The following ZNF469 variants were observed in gnomAD, a reference collection of about 807,000 sequenced individuals.
The protein encoded by ZNF469 is zinc finger protein 469.
In ZNF469, 1 loss-of-function variant was observed where a neutral mutation model predicts 1.0. That is an observed-to-expected ratio of 1.00 (90% CI 0.35 to 4.73). The LOEUF (loss-of-function observed/expected upper bound fraction) is 4.73. Among genes scored for constraint, ZNF469 ranks in the 30% most tolerant of loss-of-function variants. The pLI, the probability that ZNF469 is intolerant of heterozygous loss-of-function variation, is 0.16. For missense variants in ZNF469, 6,100 were observed against 5,356.3 expected, an observed-to-expected ratio of 1.14 and a Z score of -4.33; for synonymous variants, 2,703 against 2,363.4, an observed-to-expected ratio of 1.14 and a Z score of -4.17.
the ZNF469 span, among the ~76,000 whole-genome samples, chr16:88,230,607 C>T: frequency 2.7e-5 from 1 of 36,656 alleles, no homozygotes; most frequent in South Asian, 1.4e-3. Flanking sequence ...CCTCCGGGGA[C>T]GCCCCCTCTC....
chr16:88,339,085 C>G, the ZNF469 span, among the ~76,000 whole-genome samples: 6 of 149,344 alleles, frequency 4.0e-5, no homozygotes, highest in Non-Finnish European at 8.9e-5. Context: ...CCTGCCTGAG[C>G]AGAGAAGTCA....
At chr16:88,239,689 ATATATATATATATATATATATATATATT>A in the ZNF469 span, among the ~76,000 whole-genome samples, 7 of 8,804 alleles carry the variant, frequency 8.0e-4, no homozygotes, top group Admixed American at 2.3e-3. Context: ...ATATATATAT[ATATATATATATATATATATATATATATT>A]TTTTTTTTTT....
At chr16:88,138,956 C>T in the ZNF469 span, among the ~76,000 whole-genome samples, 1 of 152,240 alleles carries the variant, frequency 6.6e-6, no homozygotes, top group Non-Finnish European at 1.5e-5. Flanking sequence ...AGGGAGGCCT[C>T]TGGTGAAACG....
chr16:88,166,211 C>T, the ZNF469 span, among the ~76,000 whole-genome samples: 8 of 152,154 alleles, frequency 5.3e-5, no homozygotes, highest in African/African-American at 1.9e-4. This position sits in a 1 kb window ranked among gnomAD's most constrained non-coding sequence, Gnocchi z 4.5. Flanking sequence ...AGTCAACACC[C>T]ACACACCCAC....
the ZNF469 span, among the ~76,000 whole-genome samples, chr16:88,317,691 G>T: frequency 6.6e-6 from 1 of 152,230 alleles, no homozygotes; most frequent in Non-Finnish European, 1.5e-5. Flanking sequence ...AGCCACAACT[G>T]TCCTCTCAAC....
the ZNF469 span, among the ~76,000 whole-genome samples, chr16:88,224,348 G>A: frequency 4.6e-5 from 7 of 152,210 alleles, no homozygotes; most frequent in Admixed American, 2.6e-4. Context: ...GCGGGGCCCC[G>A]CAGGTGGTGA....
chr16:88,168,371 G>C, the ZNF469 span, among the ~76,000 whole-genome samples: 4 of 152,166 alleles, frequency 2.6e-5, no homozygotes, highest in African/African-American at 7.2e-5. The surrounding 1 kb of genome is among the most constrained non-coding windows in gnomAD (Gnocchi z 4.3). Context: ...TATTTTCTAG[G>C]CTGACAACGG....
rs1276039411 is a variant in ZNF469, at chr16:88,430,677, G to C, written c.3207G>C (p.Ala1069=). 2 of 1,492,616 alleles carry C rather than the reference G, an allele frequency of 1.3e-6. No homozygotes were observed. The highest frequency in any genetic ancestry group is 2.2e-5 in the Admixed American group (1 of 45,474). The allele number at this position is 1,492,616 out of a possible 1,614,324, so 92.5% of individuals were successfully genotyped here. ...GCCACCGGCGGCTGGGGCGGCGGGC[G>C]GGCAGGTGCGGCTCCCTGGCGGCGG... ...NRRHRRLGRR[A]GRCGSLAAGR... Residue 1069 remains alanine, a synonymous_variant, in exon 3 of 3, where the codon GCG becomes GCC. Coordinates refer to ENST00000565624, the MANE Select transcript of ZNF469 (RefSeq NM_001367624.2).
the ZNF469 span, among the ~76,000 whole-genome samples, chr16:88,105,902 C>T: frequency 6.6e-6 from 1 of 152,218 alleles, no homozygotes. Flanking sequence ...GCACTCACAC[C>T]ACCTTGTGTG....
At chr16:88,217,157 AC>A in the ZNF469 span, among the ~76,000 whole-genome samples, 1 of 151,230 alleles carries the variant, frequency 6.6e-6, no homozygotes, top group Non-Finnish European at 1.5e-5. Context: ...TTGAATACTA[AC>A]ACGGTGAATA....
At chr16:88,359,821 T>C in the ZNF469 span, among the ~76,000 whole-genome samples, 1 of 152,218 alleles carries the variant, frequency 6.6e-6, no homozygotes, top group Non-Finnish European at 1.5e-5. Context: ...ATGATCCATA[T>C]ACCTGCCACC....
the ZNF469 span, among the ~76,000 whole-genome samples, chr16:88,304,267 GC>G: frequency 1.3e-5 from 2 of 152,150 alleles, no homozygotes; most frequent in Non-Finnish European, 2.9e-5. Flanking sequence ...CAGCCCGGCC[GC>G]CCCCACACCA....
At chr16:88,192,918 GGTGATGATGGTGATA>G in the ZNF469 span, among the ~76,000 whole-genome samples, 14 of 152,240 alleles carry the variant, frequency 9.2e-5, no homozygotes, top group Admixed American at 2.6e-4. Flanking sequence ...TGGAGGTGAT[GGTGATGATGGTGATA>G]GTGATGATGG....
chr16:88,321,071 C>A, the ZNF469 span, among the ~76,000 whole-genome samples: 1 of 152,246 alleles, frequency 6.6e-6, no homozygotes, highest in African/African-American at 2.4e-5. Context: ...CCTTCCTCAG[C>A]CAGTCGGTCC....
Position 88,430,523 on chromosome 16 carries a change from TC to T in ZNF469, c.3057del (p.Glu1020ArgfsTer33). On this transcript the variant is annotated frameshift_variant, in exon 3 of 3. Transcript: ENST00000565624. LOFTEE classifies it low-confidence loss of function (END_TRUNC). Reference sequence around the variant, plus strand: ...CCCCGGGTCCCGAGAGCCGCCGCCCTCCCCGAGGAGACCCGCAGCTCCCGGC... The same window carrying T: ...CCCCGGGTCCCGAGAGCCGCCGCCCTCCCGAGGAGACCCGCAGCTCCCGGC... ...PAPRVPRAAA[L>X]PEETRSSRRR... 1 of 1,444,426 alleles carries T rather than the reference TC, an allele frequency of 6.9e-7. No homozygotes were observed. Among genetic ancestry groups the T allele is most frequent in the Middle Eastern group, 2.2e-4 (1 of 4,570 alleles). The allele number at this position is 1,444,426 out of a possible 1,614,324, so 89.5% of individuals were successfully genotyped here.
chr16:88,235,155 C>A, the ZNF469 span, among the ~76,000 whole-genome samples: 2 of 152,194 alleles, frequency 1.3e-5, no homozygotes, highest in East Asian at 3.9e-4. Context: ...CCCGTGGTTT[C>A]ATTTCGCACC....
At chr16:88,120,687 G>A in the ZNF469 span, among the ~76,000 whole-genome samples, 5 of 152,348 alleles carry the variant, frequency 3.3e-5, no homozygotes, top group East Asian at 1.9e-4. Flanking sequence ...TCACTGCACC[G>A]GGACACGTCA....
the ZNF469 span, among the ~76,000 whole-genome samples, chr16:88,214,253 G>T: frequency 6.6e-6 from 1 of 152,220 alleles, no homozygotes; most frequent in Non-Finnish European, 1.5e-5. Context: ...ACGCCCAGGG[G>T]TTTTCCGGTG....
Position 88,433,649 on chromosome 16 carries a change from C to G in ZNF469, c.6179C>G (p.Ser2060Cys). Residue 2060 changes from serine to cysteine, a missense_variant, in exon 3 of 3, where the codon TCC becomes TGC. Coordinates refer to ENST00000565624, the MANE Select transcript of ZNF469 (RefSeq NM_001367624.2). ...EEAEPTPSPPSPNRESLALAL... is the reference protein window; with the variant it reads ...EEAEPTPSPPCPNRESLALAL... The stretch of plus-strand genomic sequence containing the variant: ...GCCGAGCCCACCCCAAGCCCCCCGT[C>G]CCCTAATAGGGAGTCCCTGGCGCTG... 3 of 1,550,260 alleles carry G rather than the reference C, an allele frequency of 1.9e-6. No homozygotes were observed. Among genetic ancestry groups the G allele is most frequent in the Non-Finnish European group, 2.6e-6 (3 of 1,146,936 alleles).
Sources: gnomAD v4.1 joint callset for allele counts (sites outside exome capture counted in the v4.1 genomes callset) on GRCh38, gnomAD v4.1.1 for gene constraint, Gnocchi (gnomAD v3.1) non-coding constraint, MANE v1.5 for transcripts, NCBI Gene and HGNC (gene_info 2026-07-23, HGNC 2026-07-21) for gene names.